CDH19: variants seen among roughly 807,000 people sequenced by gnomAD.
The protein encoded by CDH19 is cadherin 19, also known as cadherin-19.
CDH19 carries 67 observed loss-of-function variants against 64.2 expected under a neutral mutation model. The observed-to-expected ratio is 1.04, with a 90% CI of 0.86 to 1.28. The LOEUF (loss-of-function observed/expected upper bound fraction) is 1.28, where lower values mean the gene tolerates loss of function less well. Ranked by LOEUF, CDH19 falls within the 50% of genes most tolerant of loss-of-function variation. The pLI, the probability that CDH19 is intolerant of heterozygous loss-of-function variation, is 0.00. For synonymous variants in CDH19, 346 were observed against 319.3 expected (o/e 1.08, Z -0.89); for missense variants, 1,030 against 929.0 (o/e 1.11, Z -1.41).
chr18:66,536,528 C>G (rs1206873035), intron 7 of CDH19, among the ~76,000 whole-genome samples: 1 of 151,680 alleles, frequency 6.6e-6, no homozygotes, highest in African/African-American at 2.4e-5. Context: ...ACATAAAGCC[C>G]ATTTAAAGTT....
At chr18:66,567,282 G>A (rs750170744) in intron 3 of CDH19, among the ~76,000 whole-genome samples, 16 of 151,526 alleles carry the variant, frequency 1.1e-4, no homozygotes, top group Non-Finnish European at 2.1e-4. Flanking sequence ...AAAGCAAGAA[G>A]CAGAGGGAGG....
At chr18:66,536,688 CA>C (rs1211614887) in intron 7 of CDH19, among the ~76,000 whole-genome samples, 3 of 151,664 alleles carry the variant, frequency 2.0e-5, no homozygotes, top group African/African-American at 7.3e-5. Context: ...GTGATATAAG[CA>C]GTGATGTGTA....
chr18:66,554,459 G>A lies in CDH19; in HGVS notation c.556C>T (p.Leu186Phe). 6.2e-7 allele frequency: 1 copy of A among 1,611,738 alleles called. No individual in the cohort carries two copies. Among genetic ancestry groups the A allele is most frequent in the Non-Finnish European group, 8.5e-7 (1 of 1,178,354 alleles). The change falls in exon 4 of 12, where the codon CTC becomes TTC. Residue 186 changes from leucine (L) to phenylalanine (F), a missense_variant. Leu to Phe is a conservative substitution (Grantham distance 22, BLOSUM62 0). Transcript: ENST00000262150. Reference protein sequence around the residue: ...DDPSSGNNARLLYSLLQGQPY... With the variant: ...DDPSSGNNARFLYSLLQGQPY... Reference sequence around the variant, plus strand: ...TGGCCTTGAAGTAAGCTGTAGAGGAGACGAGCATTATTACCACTTGAGGGA... The same window carrying A: ...TGGCCTTGAAGTAAGCTGTAGAGGAAACGAGCATTATTACCACTTGAGGGA...
intron 9 of CDH19, among the ~76,000 whole-genome samples, chr18:66,521,264 C>T (rs1206956476): frequency 6.6e-6 from 1 of 151,986 alleles, no homozygotes; most frequent in South Asian, 2.1e-4. Flanking sequence ...AGTACTCTTA[C>T]CTGGTTAAAA....
intron 3 of CDH19, among the ~76,000 whole-genome samples, chr18:66,566,285 T>C (rs932941713): frequency 2.0e-5 from 3 of 151,608 alleles, no homozygotes; most frequent in African/African-American, 7.3e-5. Flanking sequence ...CCTTTCTTTT[T>C]TTTTTTTTTT....
Position 66,554,423 on chromosome 18 carries a change from A to G in CDH19, c.592T>C (p.Ser198Pro). ...YSLLQGQPYF[S>P]VEPTTGVIRI... ...CAAATACCTGTTGTTGGTTCAACAG[A>G]AAAATATGGCTGGCCTTGAAGTAAG... Residue 198 changes from serine to proline, a missense_variant, in exon 4 of 12, where the codon TCT becomes CCT. Ser to Pro is a moderately conservative substitution (Grantham distance 74). Transcript: ENST00000262150. 1 of 1,611,640 alleles carries G rather than the reference A, an allele frequency of 6.2e-7. No homozygotes were observed. The highest frequency in any genetic ancestry group is 2.2e-5 in the East Asian group (1 of 44,788).
intron 8 of CDH19, among the ~76,000 whole-genome samples, chr18:66,534,257 G>A (rs1986570280): frequency 6.6e-6 from 1 of 151,878 alleles, no homozygotes; most frequent in Non-Finnish European, 1.5e-5. Context: ...TAGTTAAATG[G>A]AACCTTGAAA....
intron 1 of CDH19, among the ~76,000 whole-genome samples, chr18:66,601,056 G>A (rs1989025946): frequency 6.6e-6 from 1 of 151,748 alleles, no homozygotes; most frequent in Non-Finnish European, 1.5e-5. Flanking sequence ...AGTGACAAAT[G>A]ACACTACTCT....
rs912515595 is a variant in CDH19 at position 66,570,483 on chromosome 18, T to C, written c.195+1527A>G. ...TGCTACTATCAATTTGCTAAACAAA[T>C]ATCACTTCAAATTTTCACTTAATTG... On this transcript the variant is annotated intron_variant, in intron 2 of 11. Coordinates refer to ENST00000262150, the MANE Select transcript of CDH19 (RefSeq NM_021153.4). Among the ~76,000 whole-genome samples the C allele has an allele frequency of 6.6e-5, 10 of 151,852 alleles. 1 individual carries two copies. Among genetic ancestry groups the C allele is most frequent in the African/African-American group, 1.7e-4 (7 of 41,528 alleles).
chr18:66,575,578 G>A (rs934057214), intron 1 of CDH19, among the ~76,000 whole-genome samples: 4 of 151,868 alleles, frequency 2.6e-5, no homozygotes, highest in South Asian at 2.1e-4. Flanking sequence ...CTATCACCAG[G>A]CCTGAACAAA....
chr18:66,582,639 CAAAAAAA>C (rs11410904), intron 1 of CDH19, among the ~76,000 whole-genome samples: 2 of 72,896 alleles, frequency 2.7e-5, no homozygotes, highest in African/African-American at 5.3e-5. Context: ...TTACTGTCAC[CAAAAAAA>C]AAAAAAAAAA....
intron 6 of CDH19, 138 bp downstream of exon 6, chr18:66,544,581 A>T (rs1304562311): frequency 5.1e-6 from 3 of 592,208 alleles, no homozygotes; most frequent in Non-Finnish European, 8.4e-6. Flanking sequence ...TCATCTCTAA[A>T]ATCCTTGTCT....
chr18:66,511,634 G>A lies in CDH19; in HGVS notation c.1510C>T (p.His504Tyr), dbSNP rs1214593414. ...VDRDESIEEH[H>Y]FYFNLSVEDT... The stretch of plus-strand genomic sequence containing the variant: ...TCTACAGATAGATTAAAGTAAAAAT[G>A]GTGCTCTTCTATGGATTCATCTCTA... The change falls in exon 10 of 12, where the codon CAT (histidine) becomes TAT (tyrosine). Residue 504 changes from histidine (H) to tyrosine (Y), a missense_variant. By Grantham distance (83) the His-to-Tyr change is moderately conservative. Coordinates refer to ENST00000262150, the MANE Select transcript of CDH19 (RefSeq NM_021153.4). 1 of 1,577,552 alleles carries A rather than the reference G, an allele frequency of 6.3e-7. No individual in the cohort carries two copies. Among genetic ancestry groups the A allele is most frequent in the Non-Finnish European group, 8.7e-7 (1 of 1,148,386 alleles).
intron 8 of CDH19, chr18:66,532,519 C>CACACACAG (rs957423260): frequency 2.4e-5 from 7 of 294,570 alleles, no homozygotes; most frequent in Non-Finnish European, 2.7e-5. Flanking sequence ...CACACACACA[C>CACACACAG]AGAGAAAGAG....
chr18:66,546,079 A>T (rs771822625), intron 5 of CDH19, among the ~76,000 whole-genome samples: 2 of 152,160 alleles, frequency 1.3e-5, no homozygotes, highest in African/African-American at 4.8e-5. Flanking sequence ...CGGCATCAGC[A>T]AACATGCAAT....
chr18:66,583,997 C>A (rs1988500363), intron 1 of CDH19, among the ~76,000 whole-genome samples: 1 of 152,008 alleles, frequency 6.6e-6, no homozygotes, highest in South Asian at 2.1e-4. Flanking sequence ...GAAAAATTGA[C>A]AAGTGGAATC....
intron 10 of CDH19, among the ~76,000 whole-genome samples, chr18:66,509,551 GAATT>G (rs1418887863): frequency 2.0e-5 from 3 of 151,454 alleles, no homozygotes; most frequent in Non-Finnish European, 2.9e-5. Flanking sequence ...TATTATTATT[GAATT>G]AATTAAATTG....
rs371102409 is a variant in CDH19 at position 66,568,493 on chromosome 18, A to G, written c.413T>C (p.Val138Ala). 51 of 1,612,290 alleles carry G rather than the reference A, an allele frequency of 3.2e-5. No individual in the cohort carries two copies. The African/African-American group carries it at 6.5e-4, about 21-fold the overall frequency. ...VEPESEFVIK[V>A]SDINDNEPKF... ...TGGTTCATTGTCATTGATATCCGAA[A>G]CTTTGATGACAAACTCAGACTCAGG... Residue 138 changes from valine to alanine, a missense_variant, in exon 3 of 12, where the codon GTT (valine) becomes GCT (alanine). Transcript: ENST00000262150.
intron 1 of CDH19, among the ~76,000 whole-genome samples, chr18:66,588,614 C>CTATATATATATA (rs1321459056): frequency 8.8e-6 from 1 of 113,666 alleles, no homozygotes; most frequent in Non-Finnish European, 2.1e-5. Context: ...TCATATATAT[C>CTATATATATATA]TATATCTATA....
Sources: allele counts gnomAD v4.1 joint callset (sites outside exome capture counted in the v4.1 genomes callset), GRCh38; gene constraint gnomAD v4.1.1; transcripts MANE v1.5; gene names NCBI Gene and HGNC (gene_info 2026-07-23, HGNC 2026-07-21).